Variants in ICA1L observed in about 807,000 individuals in gnomAD.
The protein encoded by ICA1L is islet cell autoantigen 1 like, also known as islet cell autoantigen 1-like protein.
ICA1L carries 50 observed loss-of-function variants against 61.3 expected under a neutral mutation model. The ratio of observed to expected loss-of-function variants is 0.82; its 90% CI spans 0.65 to 1.03. The LOEUF (loss-of-function observed/expected upper bound fraction) is 1.03, where lower values mean the gene tolerates loss of function less well. Among genes scored for constraint, ICA1L ranks in the 50% least tolerant of loss-of-function variants. The pLI, the probability that ICA1L is intolerant of heterozygous loss-of-function variation, is 0.00. For missense variants in ICA1L, 508 were observed against 556.7 expected (o/e 0.91, Z 0.88); for synonymous variants, 161 against 191.3 (o/e 0.84, Z 1.31).
At position 202,820,070 on chromosome 2, in the gene ICA1L, G is replaced by C. The variant is rs936145374; in HGVS notation, c.360-171C>G. 6 of 604,432 alleles carry C rather than the reference G, an allele frequency of 9.9e-6. No homozygotes were observed. The East Asian group carries it at 1.7e-4, about 17-fold the overall frequency. 37.4% of individuals were successfully genotyped at this position (604,432 alleles called of 1,614,324 possible). A position where few individuals can be genotyped will look rare whatever the true frequency, so the allele number is the denominator to read the frequency against. On this transcript the variant is annotated intron_variant, in intron 4 of 12. Transcript: ENST00000358299. ...AAATAAGGATCATATAGCCAACTCT[G>C]AATTATCAATAAAGATGTGTTGGCC...
intron 1 of ICA1L, among the ~76,000 whole-genome samples, chr2:202,845,398 G>A (rs561814919): frequency 1.4e-4 from 22 of 152,148 alleles, no homozygotes; most frequent in Admixed American, 9.8e-4. Flanking sequence ...AGGCCAAGGC[G>A]GGTGAATTAC....
At chr2:202,794,676 GA>G (rs1306144624) in intron 10 of ICA1L, among the ~76,000 whole-genome samples, 1 of 151,928 alleles carries the variant, frequency 6.6e-6, no homozygotes, top group Non-Finnish European at 1.5e-5. Context: ...ATGCGAAAGT[GA>G]ATAGCATTCA....
At chr2:202,833,987 C>G (rs940907124) in intron 1 of ICA1L, among the ~76,000 whole-genome samples, 2 of 152,012 alleles carry the variant, frequency 1.3e-5, no homozygotes, top group African/African-American at 4.8e-5. Context: ...TTCTATTGTA[C>G]AACAAAGGGA....
At chr2:202,786,535 G>T (rs981880147) in intron 11 of ICA1L, 17 of 223,394 alleles carry the variant, frequency 7.6e-5, no homozygotes, top group Middle Eastern at 1.7e-3. Flanking sequence ...CGGCCTGGGC[G>T]ACAGAGCGAG....
chr2:202,782,760 T>A (rs1042957792), intron 12 of ICA1L, among the ~76,000 whole-genome samples: 1 of 152,108 alleles, frequency 6.6e-6, no homozygotes, highest in East Asian at 1.9e-4. Context: ...AAGTTTTTTT[T>A]TTCCCCCTAA....
chr2:202,862,124 G>C (rs1694935060), intron 1 of ICA1L, among the ~76,000 whole-genome samples: 1 of 150,434 alleles, frequency 6.6e-6, no homozygotes, highest in South Asian at 2.1e-4. Context: ...AACATTCTTG[G>C]GCTACAATAT....
At position 202,817,573 on chromosome 2, in the gene ICA1L, G is replaced by A. The variant is rs747352989; in HGVS notation, c.559-30C>T. ...AATAAAAATGCTAATTTTTATTACA[G>A]ATATATACTATAAATATAGTATGTT... On this transcript the variant is annotated intron_variant, in intron 5 of 12. Transcript: ENST00000358299. 19 of 1,368,160 alleles carry A rather than the reference G, an allele frequency of 1.4e-5. No homozygotes were observed. In the South Asian group the frequency reaches 2.3e-4, roughly 16 times the overall value. The allele number at this position is 1,368,160 out of a possible 1,614,324, so 84.8% of individuals were successfully genotyped here.
At chr2:202,838,664 T>C (rs1694219573) in intron 1 of ICA1L, among the ~76,000 whole-genome samples, 1 of 152,222 alleles carries the variant, frequency 6.6e-6, no homozygotes, top group Non-Finnish European at 1.5e-5. Flanking sequence ...CTTTTCATTA[T>C]ATAATAATTG....
intron 8 of ICA1L, 59 bp downstream of exon 8, chr2:202,814,643 A>T: frequency 1.9e-6 from 2 of 1,078,840 alleles, no homozygotes; most frequent in South Asian, 2.7e-5. Flanking sequence ...TTCCACATAT[A>T]TCATATGATG....
intron 1 of ICA1L, among the ~76,000 whole-genome samples, chr2:202,865,177 TCTC>T (rs954369774): frequency 7.0e-6 from 1 of 142,656 alleles, no homozygotes; most frequent in African/African-American, 2.6e-5. Context: ...AAAAAAAAAA[TCTC>T]CTCTTTGGCC....
intron 1 of ICA1L, among the ~76,000 whole-genome samples, chr2:202,864,261 C>T (rs186399184): frequency 0.091 from 13,491 of 148,688 alleles, 724 homozygotes; most frequent in Non-Finnish European, 0.13. Context: ...TTTTTTTTTT[C>T]GAGACGGAGT....
intron 1 of ICA1L, among the ~76,000 whole-genome samples, chr2:202,838,501 G>C (rs1694215471): frequency 6.6e-6 from 1 of 152,094 alleles, no homozygotes; most frequent in African/African-American, 2.4e-5. Flanking sequence ...CTGGGTATCT[G>C]TCCATTGTTG....
intron 12 of ICA1L, among the ~76,000 whole-genome samples, chr2:202,784,634 T>C (rs1188242898): frequency 6.6e-6 from 1 of 152,162 alleles, no homozygotes; most frequent in Non-Finnish European, 1.5e-5. Context: ...CAGAGTATTA[T>C]TCAGCCTTAT....
rs1243136061 is a variant in ICA1L at position 202,777,530 on chromosome 2, GA to G, written c.*2002del. Reference sequence around the variant, plus strand: ...TAAAGGAAGACTTAAGTCTTCTGAAGAGATAAGTAATGGCTCATTAAAATCT... The same window carrying G: ...TAAAGGAAGACTTAAGTCTTCTGAAGGATAAGTAATGGCTCATTAAAATCT... On this transcript the variant is annotated 3_prime_UTR_variant, in exon 13 of 13. Transcript: ENST00000358299. 2 of 152,196 alleles carry G rather than the reference GA, an allele frequency of 1.3e-5. No individual in the cohort carries two copies. The highest frequency in any genetic ancestry group is 4.8e-5 in the African/African-American group (2 of 41,442). The allele number at this position is 152,196 out of a possible 1,614,324, so 9.4% of individuals were successfully genotyped here. A position where few individuals can be genotyped will look rare whatever the true frequency, so the allele number is the denominator to read the frequency against.
intron 1 of ICA1L, among the ~76,000 whole-genome samples, chr2:202,854,304 C>T (rs543428045): frequency 3.3e-5 from 5 of 151,990 alleles, no homozygotes; most frequent in East Asian, 1.9e-4. Flanking sequence ...AAGGGCATTA[C>T]GTAATGGTAA....
At chr2:202,821,257 T>A (rs1693694572) in intron 4 of ICA1L, 101 bp downstream of exon 4, 1 of 1,135,620 alleles carries the variant, frequency 8.8e-7, no homozygotes, top group African/African-American at 1.6e-5. Flanking sequence ...TAACCCTTTA[T>A]TAGAATGAAC....
At chr2:202,810,150 T>C (rs527363560) in intron 9 of ICA1L, among the ~76,000 whole-genome samples, 1 of 152,284 alleles carries the variant, frequency 6.6e-6, no homozygotes, top group South Asian at 2.1e-4. Context: ...GGCAGTAGAC[T>C]TTTCAGTGGA....
At chr2:202,859,922 T>C (rs1461679650) in intron 1 of ICA1L, among the ~76,000 whole-genome samples, 1 of 152,080 alleles carries the variant, frequency 6.6e-6, no homozygotes, top group African/African-American at 2.4e-5. Context: ...CCCAGTTTCA[T>C]AAAGGAAGTA....
At chr2:202,829,235 C>T (rs1693943060) in intron 1 of ICA1L, 1 of 261,136 alleles carries the variant, frequency 3.8e-6, no homozygotes, top group Admixed American at 5.1e-5. Flanking sequence ...CCTGTAGTCC[C>T]AGCTACTCCG....
Sources: allele counts gnomAD v4.1 joint callset (sites outside exome capture counted in the v4.1 genomes callset), GRCh38; gene constraint gnomAD v4.1.1; transcripts MANE v1.5; gene names NCBI Gene and HGNC (gene_info 2026-07-23, HGNC 2026-07-21).